The following RANBP2 variants were observed in gnomAD, a reference collection of about 807,000 sequenced individuals.
RANBP2 encodes the protein E3 SUMO-protein ligase RanBP2.
RANBP2 carries 57 observed loss-of-function variants against 303.6 expected under a neutral mutation model. That is an observed-to-expected ratio of 0.19 (90% CI 0.15 to 0.23). The LOEUF (loss-of-function observed/expected upper bound fraction) is 0.23, where lower values mean the gene tolerates loss of function less well. Ranked by LOEUF, RANBP2 falls within the 10% of genes least tolerant of loss-of-function variation. RANBP2 has a pLI of 1.00. For missense variants in RANBP2, 3,138 were observed against 3,780.8 expected (o/e 0.83, Z 4.46); for synonymous variants, 1,167 against 1,301.5 (o/e 0.90, Z 2.23).
At chr2:108,969,747 C>T in the RANBP2 span, among the ~76,000 whole-genome samples, 1 of 152,218 alleles carries the variant, frequency 6.6e-6, no homozygotes, top group African/African-American at 2.4e-5. Context: ...GAGCTGCAGT[C>T]CCAGGGGCTT....
At chr2:109,278,432 G>T in the RANBP2 span, among the ~76,000 whole-genome samples, 1 of 152,178 alleles carries the variant, frequency 6.6e-6, no homozygotes, top group African/African-American at 2.4e-5. Flanking sequence ...TTGGTGTTCA[G>T]TGTTGTCTGT....
At chr2:109,284,504 A>G in the RANBP2 span, among the ~76,000 whole-genome samples, 1 of 152,210 alleles carries the variant, frequency 6.6e-6, no homozygotes, top group Non-Finnish European at 1.5e-5. Context: ...CCTCTCGTCC[A>G]GCCTTGGAAG....
At chr2:109,794,711 A>G in the RANBP2 span, 3 of 662,822 alleles carry the variant, frequency 4.5e-6, no homozygotes, top group Non-Finnish European at 3.5e-6. Context: ...CGGCTGGCGC[A>G]GTCCTGTGGG....
the RANBP2 span, among the ~76,000 whole-genome samples, chr2:109,316,772 C>T: frequency 6.6e-6 from 1 of 152,176 alleles, no homozygotes; most frequent in East Asian, 1.9e-4. Context: ...AGTACTTTCC[C>T]TGCCCTTAAA....
chr2:109,730,476 A>G, the RANBP2 span, among the ~76,000 whole-genome samples: 1 of 152,204 alleles, frequency 6.6e-6, no homozygotes, highest in Non-Finnish European at 1.5e-5. Context: ...TGTAAGACGG[A>G]AAACTGGATG....
At chr2:109,722,387 T>C in the RANBP2 span, among the ~76,000 whole-genome samples, 1 of 152,236 alleles carries the variant, frequency 6.6e-6, no homozygotes, top group South Asian at 2.1e-4. Context: ...GGAGGGTTCA[T>C]AGCCCACAGC....
At chr2:108,796,333 C>T in the RANBP2 span, among the ~76,000 whole-genome samples, 2 of 152,098 alleles carry the variant, frequency 1.3e-5, no homozygotes, top group African/African-American at 2.4e-5. Flanking sequence ...GGATTACAGG[C>T]GTGAGCCACC....
chr2:109,281,986 G>T, the RANBP2 span, among the ~76,000 whole-genome samples: 1 of 152,130 alleles, frequency 6.6e-6, no homozygotes, highest in Non-Finnish European at 1.5e-5. Context: ...GCTGGGCCAG[G>T]CTTTCGGGAT....
the RANBP2 span, among the ~76,000 whole-genome samples, chr2:109,655,445 A>G: frequency 6.6e-6 from 1 of 152,156 alleles, no homozygotes; most frequent in African/African-American, 2.4e-5. Context: ...TTTTGGAGCC[A>G]TGGATGAGCT....
At chr2:109,593,452 C>T in the RANBP2 span, among the ~76,000 whole-genome samples, 1 of 145,044 alleles carries the variant, frequency 6.9e-6, no homozygotes, top group Non-Finnish European at 1.5e-5. Context: ...GTCACCCAGA[C>T]TGGAGTGCAA....
At chr2:109,387,028 G>A in the RANBP2 span, among the ~76,000 whole-genome samples, 1 of 152,180 alleles carries the variant, frequency 6.6e-6, no homozygotes, top group Non-Finnish European at 1.5e-5. Flanking sequence ...TCAGAAAAGT[G>A]TAAAGAAGAA....
the RANBP2 span, among the ~76,000 whole-genome samples, chr2:108,853,934 T>A: frequency 1.1e-4 from 13 of 122,844 alleles, no homozygotes; most frequent in African/African-American, 3.8e-4. Flanking sequence ...TATATATAAT[T>A]TATATATAAT....
chr2:108,783,909 G>C lies in RANBP2; in HGVS notation c.*8G>C. The C allele has an allele frequency of 6.2e-7, 1 of 1,602,600 alleles. No individual in the cohort carries two copies. Among genetic ancestry groups the C allele is most frequent in the East Asian group, 2.2e-5 (1 of 44,752 alleles). ...GAATGTGGACAGATATAAAATCATT[G>C]TTGTTCATAGAAAATTTCATCTGTA... On this transcript the variant is annotated 3_prime_UTR_variant, in exon 29 of 29. Coordinates refer to ENST00000283195, the MANE Select transcript of RANBP2 (RefSeq NM_006267.5).
the RANBP2 span, chr2:108,910,536 C>A: frequency 2.9e-4 from 469 of 1,611,634 alleles, no homozygotes; most frequent in Non-Finnish European, 3.6e-4. Context: ...ACGTTGTCTG[C>A]AGGGAAATGG....
At chr2:108,935,839 A>G in the RANBP2 span, among the ~76,000 whole-genome samples, 1 of 152,170 alleles carries the variant, frequency 6.6e-6, no homozygotes, top group African/African-American at 2.4e-5. Flanking sequence ...GACATGGAAG[A>G]CATCATTATA....
the RANBP2 span, among the ~76,000 whole-genome samples, chr2:109,549,205 A>G: frequency 6.9e-4 from 105 of 152,336 alleles, 1 homozygote; most frequent in African/African-American, 2.5e-3. Flanking sequence ...GTGATGTGGG[A>G]GAGGAGCAGG....
chr2:109,174,005 T>A, the RANBP2 span, among the ~76,000 whole-genome samples: 3 of 152,340 alleles, frequency 2.0e-5, no homozygotes, highest in South Asian at 6.2e-4. Context: ...CGGAAAGCAC[T>A]GGGCTCAGTC....
At chr2:108,745,890 C>T (rs1295494487) in intron 7 of RANBP2, among the ~76,000 whole-genome samples, 4 of 148,772 alleles carry the variant, frequency 2.7e-5, no homozygotes, top group African/African-American at 1.0e-4. Context: ...CTCAGAGTTG[C>T]TCTGTGTATG....
At chr2:108,879,738 G>T in the RANBP2 span, among the ~76,000 whole-genome samples, 1 of 152,112 alleles carries the variant, frequency 6.6e-6, no homozygotes, top group Non-Finnish European at 1.5e-5. Context: ...GAGTGACTAA[G>T]CCGCTATCAT....
Sources: gnomAD v4.1 joint callset for allele counts (sites outside exome capture counted in the v4.1 genomes callset) on GRCh38, gnomAD v4.1.1 for gene constraint, MANE v1.5 for transcripts, NCBI Gene and HGNC (gene_info 2026-07-23, HGNC 2026-07-21) for gene names.